The following MYO18B variants were observed in gnomAD, a reference collection of about 807,000 sequenced individuals.
MYO18B encodes myosin XVIIIB.
In MYO18B, 204 loss-of-function variants were observed where a neutral mutation model predicts 273.0. The observed-to-expected ratio is 0.75, with a 90% confidence interval of 0.67 to 0.84. The LOEUF is 0.84. MYO18B is among the 40% of genes least tolerant of loss of function. The probability of loss-of-function intolerance (pLI) is 0.00; values close to 1 mark genes in which losing one functional copy is unlikely to be tolerated. For synonymous variants in MYO18B, 1,330 were observed against 1,305.7 expected (o/e 1.02, Z -0.40); for missense variants, 3,212 against 3,287.6 (o/e 0.98, Z 0.56).
intron 39 of MYO18B, among the ~76,000 whole-genome samples, chr22:25,957,252 C>G (rs57322698): frequency 0.014 from 2,082 of 152,306 alleles, 43 homozygotes; most frequent in African/African-American, 0.047. Flanking sequence ...GTCCCTTGAC[C>G]TCTTTTTCTC....
At chr22:25,762,834 G>A (rs989978326) in intron 2 of MYO18B, among the ~76,000 whole-genome samples, 7 of 152,252 alleles carry the variant, frequency 4.6e-5, no homozygotes, top group Non-Finnish European at 8.8e-5. Context: ...CCAGGAGAGC[G>A]TGGATGATTC....
At chr22:25,839,158 G>T (rs1401398066) in intron 17 of MYO18B, among the ~76,000 whole-genome samples, 1 of 151,890 alleles carries the variant, frequency 6.6e-6, no homozygotes, top group Non-Finnish European at 1.5e-5. Flanking sequence ...GTGTATATAT[G>T]TGTGTGCATG....
chr22:26,051,308 C>A, the MYO18B span, among the ~76,000 whole-genome samples: 1 of 148,938 alleles, frequency 6.7e-6, no homozygotes, highest in Non-Finnish European at 1.5e-5. Flanking sequence ...ACCGCAAGCT[C>A]CACCTCCCGG....
intron 40 of MYO18B, among the ~76,000 whole-genome samples, chr22:25,996,112 A>G (rs553769002): frequency 2.5e-4 from 38 of 152,366 alleles, no homozygotes; most frequent in African/African-American, 8.7e-4. Flanking sequence ...TCTGATTGCC[A>G]ATTAGAGATC....
chr22:25,876,297 G>C lies in MYO18B; in HGVS notation c.4189G>C (p.Ala1397Pro). ...TGGTTCCCTCCAGCCTCTACTTAGTGCCACCATTGGAACTGAGCAGCTCCG... is the reference window on the plus strand; with the variant it reads ...TGGTTCCCTCCAGCCTCTACTTAGTCCCACCATTGGAACTGAGCAGCTCCG... ...LLGSLQPLLS[A>P]TIGTEQLRAK... The change falls in exon 24 of 44, where the codon GCC becomes CCC. Residue 1397 changes from alanine (A) to proline (P), a missense_variant. By Grantham distance (27) the Ala-to-Pro change is conservative. Transcript: ENST00000335473. The C allele has an allele frequency of 6.2e-7, 1 of 1,613,394 alleles. No individual in the cohort carries two copies. Among genetic ancestry groups the C allele is most frequent in the Non-Finnish European group, 8.5e-7 (1 of 1,179,648 alleles).
At chr22:25,788,253 A>G (rs1691693633) in intron 11 of MYO18B, among the ~76,000 whole-genome samples, 1 of 152,204 alleles carries the variant, frequency 6.6e-6, no homozygotes, top group South Asian at 2.1e-4. Context: ...CTTTGATACA[A>G]GCCTGGGCTA....
rs114264555 is a variant in MYO18B at position 25,999,233 on chromosome 22, G to C, written c.6288-4032G>C. Among the ~76,000 whole-genome samples the C allele has an allele frequency of 9.8e-3, 1,487 of 152,236 alleles. 26 individuals carry two copies. The highest frequency in any genetic ancestry group is 0.034 in the African/African-American group (1,410 of 41,518). On this transcript the variant is annotated intron_variant, in intron 40 of 43. Transcript: ENST00000335473. ...TAACCTAAACTGCTAATGGCCAAGC[G>C]TTGTTGTCATGTCAAATGTAACCTA...
At chr22:25,828,439 C>A (rs1256362343) in intron 14 of MYO18B, among the ~76,000 whole-genome samples, 1 of 151,800 alleles carries the variant, frequency 6.6e-6, no homozygotes, top group African/African-American at 2.4e-5. Context: ...TTTTAATAGG[C>A]CTCTGAAGAA....
intron 28 of MYO18B, chr22:25,897,590 A>G (rs1208851266): frequency 6.6e-6 from 1 of 152,256 alleles, no homozygotes; most frequent in African/African-American, 2.4e-5. Context: ...TCTGAGCAGC[A>G]GAATATAAGA....
At chr22:25,886,625 T>C (rs2091508853) in intron 25 of MYO18B, among the ~76,000 whole-genome samples, 1 of 152,216 alleles carries the variant, frequency 6.6e-6, no homozygotes. Flanking sequence ...CTGTACCCAC[T>C]GGCTACTTAA....
At chr22:25,839,313 T>C (rs955476909) in intron 17 of MYO18B, among the ~76,000 whole-genome samples, 3 of 152,170 alleles carry the variant, frequency 2.0e-5, no homozygotes, top group Non-Finnish European at 4.4e-5. Context: ...AAGGTGCCCA[T>C]GAAAGCAAAC....
At chr22:25,861,161 G>A (rs930242998) in intron 21 of MYO18B, among the ~76,000 whole-genome samples, 1 of 152,148 alleles carries the variant, frequency 6.6e-6, no homozygotes, top group Admixed American at 6.5e-5. Flanking sequence ...TGGGATAACA[G>A]GCGTGAGCCA....
At chr22:25,887,874 T>C (rs1455558227) in intron 25 of MYO18B, among the ~76,000 whole-genome samples, 1 of 152,200 alleles carries the variant, frequency 6.6e-6, no homozygotes, top group African/African-American at 2.4e-5. Flanking sequence ...TGTGGTCCCC[T>C]TGCTCAGGCC....
chr22:25,840,190 C>G, intron 17 of MYO18B, among the ~76,000 whole-genome samples: 1 of 152,182 alleles, frequency 6.6e-6, no homozygotes, highest in Non-Finnish European at 1.5e-5. Flanking sequence ...CTCCTGTTCA[C>G]TGTCTCCCCA....
intron 17 of MYO18B, among the ~76,000 whole-genome samples, chr22:25,838,469 G>A (rs1284341700): frequency 1.3e-5 from 2 of 152,162 alleles, no homozygotes; most frequent in Admixed American, 6.5e-5. Flanking sequence ...CAAAGTGCTA[G>A]GATTACACAC....
intron 40 of MYO18B, among the ~76,000 whole-genome samples, chr22:26,000,865 G>C (rs1036151190): frequency 6.6e-6 from 1 of 152,182 alleles, no homozygotes; most frequent in Non-Finnish European, 1.5e-5. Context: ...TTCAGCCTTA[G>C]ATATTCTGTG....
intron 34 of MYO18B, among the ~76,000 whole-genome samples, chr22:25,935,409 G>T (rs1021405599): frequency 2.0e-5 from 3 of 152,166 alleles, no homozygotes; most frequent in African/African-American, 4.8e-5. Context: ...CCTGGAGGGG[G>T]TACTTTCCTG....
chr22:25,774,920 G>A (rs987386220), intron 7 of MYO18B, among the ~76,000 whole-genome samples: 12 of 152,240 alleles, frequency 7.9e-5, no homozygotes, highest in African/African-American at 2.9e-4. Flanking sequence ...AGAGCCCGCC[G>A]CAACTGTTGC....
At chr22:25,820,242 G>A (rs1406515331) in intron 12 of MYO18B, among the ~76,000 whole-genome samples, 5 of 151,778 alleles carry the variant, frequency 3.3e-5, no homozygotes, top group Middle Eastern at 3.2e-3. Context: ...CTTGTGACCA[G>A]TGCAGAGTAA....
Sources: allele counts gnomAD v4.1 joint callset (sites outside exome capture counted in the v4.1 genomes callset), GRCh38; gene constraint gnomAD v4.1.1; transcripts MANE v1.5; gene names NCBI Gene and HGNC (gene_info 2026-07-23, HGNC 2026-07-21).